Variants in SS18L2 observed in about 807,000 individuals in gnomAD.
SS18L2 encodes SS18 like 2.
A neutral mutation model predicts 10.3 loss-of-function variants in SS18L2; 8 were observed. The ratio of observed to expected loss-of-function variants is 0.78; its 90% CI spans 0.46 to 1.41. The LOEUF is 1.41. Among genes scored for constraint, SS18L2 ranks in the 40% most tolerant of loss-of-function variants. The pLI is 0.00. For synonymous variants in SS18L2, 41 were observed against 34.6 expected (o/e 1.19, Z -0.65); for missense variants, 100 against 96.2 (o/e 1.04, Z -0.17).
At chr3:42,594,335 C>T in intron 2 of SS18L2, 87 bp from the exon 3 acceptor site, 11 of 989,948 alleles carry the variant, frequency 1.1e-5, no homozygotes, top group Non-Finnish European at 1.8e-5. Context: ...TGAGCCATTC[C>T]ACTAGAGTGG....
At chr3:42,591,201 CTTTTT>C (rs71616053) in intron 1 of SS18L2, 40 of 488,868 alleles carry the variant, frequency 8.2e-5, no homozygotes, top group Middle Eastern at 1.1e-3. Flanking sequence ...CCTTTCTCTC[CTTTTT>C]TTTTTTTTTT....
intron 1 of SS18L2, among the ~76,000 whole-genome samples, chr3:42,585,129 C>A (rs902627507): frequency 1.3e-5 from 2 of 151,968 alleles, no homozygotes; most frequent in East Asian, 3.9e-4. Context: ...AACTCCATCT[C>A]AAAAAACAAA....
At chr3:42,590,754 A>T, upstream of SS18L2, 2 of 867,496 alleles carry the variant, frequency 2.3e-6, no homozygotes, top group Non-Finnish European at 3.9e-6. Flanking sequence ...AGCGCTGAGT[A>T]TAGCTCTTGC....
chr3:42,582,530 A>G (rs1209673757), intron 1 of SS18L2, among the ~76,000 whole-genome samples: 1 of 152,268 alleles, frequency 6.6e-6, no homozygotes, highest in East Asian at 1.9e-4. Context: ...GAGTCCGTCC[A>G]TTTATTCATT....
chr3:42,591,390 TC>T (rs1159440817), intron 1 of SS18L2, 134 bp from the exon 2 acceptor site: 43 of 661,044 alleles, frequency 6.5e-5, no homozygotes, highest in Non-Finnish European at 5.4e-6. Context: ...GTATGGGGTT[TC>T]CCCATGTTGG....
At chr3:42,594,275 A>C in intron 2 of SS18L2, 147 bp from the exon 3 acceptor site, 1 of 632,724 alleles carries the variant, frequency 1.6e-6, no homozygotes, top group South Asian at 2.1e-5. Context: ...TATTTTCCTT[A>C]AATATGTTAA....
chr3:42,592,950 G>C (rs1455594160), intron 2 of SS18L2, among the ~76,000 whole-genome samples: 1 of 152,154 alleles, frequency 6.6e-6, no homozygotes, highest in Non-Finnish European at 1.5e-5. Flanking sequence ...TATAAGTACA[G>C]TTGGTCCTCT....
intron 1 of SS18L2, 30 bp from the exon 2 acceptor site, chr3:42,591,495 C>T: frequency 6.4e-7 from 1 of 1,572,222 alleles, no homozygotes. Flanking sequence ...GCCCGGCCTG[C>T]ACTGACCCTT....
upstream of SS18L2, among the ~76,000 whole-genome samples, chr3:42,589,896 T>C (rs1008448687): frequency 6.6e-6 from 1 of 152,116 alleles, no homozygotes; most frequent in Non-Finnish European, 1.5e-5. Context: ...CAAGAAGGTA[T>C]GTCCAGCTTC....
Position 42,595,870 on chromosome 3 carries a change from G to A in SS18L2, c.*1361G>A, listed in dbSNP as rs781093719. Among the ~76,000 whole-genome samples, 1 of 152,190 alleles carries A rather than the reference G, an allele frequency of 6.6e-6. No individual in the cohort carries two copies. Among genetic ancestry groups the A allele is most frequent in the Non-Finnish European group, 1.5e-5 (1 of 68,024 alleles). On this transcript the variant is annotated 3_prime_UTR_variant, in exon 3 of 3. Transcript: ENST00000011691. ...AGCTCTGTTTCCTCACCTCTAAAGT[G>A]AGGATAATGAAAATAGCATCTGCCT...
chr3:42,594,048 C>G (rs1704952760), intron 2 of SS18L2, among the ~76,000 whole-genome samples: 1 of 145,826 alleles, frequency 6.9e-6, no homozygotes, highest in Admixed American at 6.7e-5. Flanking sequence ...AACAGCTCAC[C>G]TTTACCTGAA....
upstream of SS18L2, among the ~76,000 whole-genome samples, chr3:42,590,638 G>A (rs1457831395): frequency 1.3e-5 from 2 of 151,910 alleles, no homozygotes; most frequent in Non-Finnish European, 2.9e-5. Context: ...ACGCCAGGTA[G>A]GTCAGCAGTA....
In SS18L2 at chr3:42,595,374, G is replaced by A. The variant is rs538512603; in HGVS notation, c.*865G>A. On this transcript the variant is annotated 3_prime_UTR_variant, in exon 3 of 3. Transcript: ENST00000011691. ...CATACAGTTGTATCTCTGTAGTGTT[G>A]TTAATTATGTGCCACTATCATCCAC... Among the ~76,000 whole-genome samples the A allele has an allele frequency of 6.6e-6, 1 of 152,128 alleles. No homozygotes were observed. The highest frequency in any genetic ancestry group is 1.5e-5 in the Non-Finnish European group (1 of 68,024).
chr3:42,582,444 G>C (rs1704447364), intron 1 of SS18L2: 1 of 152,382 alleles, frequency 6.6e-6, no homozygotes, highest in African/African-American at 2.4e-5. Context: ...GTCCGACCCA[G>C]GGGGACACAC....
chr3:42,582,603 C>G (rs1413380310), intron 1 of SS18L2, among the ~76,000 whole-genome samples: 1 of 152,216 alleles, frequency 6.6e-6, no homozygotes, highest in Non-Finnish European at 1.5e-5. Flanking sequence ...ATTCCTGACA[C>G]GAAAAACTAT....
chr3:42,585,286 G>A (rs1323910508), intron 1 of SS18L2, among the ~76,000 whole-genome samples: 1 of 152,178 alleles, frequency 6.6e-6, no homozygotes, highest in Non-Finnish European at 1.5e-5. Flanking sequence ...ACAGGGGTGA[G>A]ATGTAGTACC....
Position 42,590,892 on chromosome 3 carries a change from C to T in SS18L2, c.-6C>T, listed in dbSNP as rs750451000. On this transcript the variant is annotated 5_prime_UTR_variant, in exon 1 of 3. Transcript: ENST00000011691. The stretch of plus-strand genomic sequence containing the variant: ...TTGGCGGTCGTGGTTCCGGAGGTTC[C>T]TCGGGATGTCGGTGGCCTTCGTACC... 5.9e-6 allele frequency: 9 copies of T among 1,538,326 alleles called. No individual in the cohort carries two copies. Among genetic ancestry groups the T allele is most frequent in the Non-Finnish European group, 7.1e-6 (8 of 1,132,742 alleles).
Position 42,590,905 on chromosome 3 carries a change from T to C in SS18L2, c.8T>C (p.Val3Ala). MS[V>A]AFVPDWLRGK... ...TTCCGGAGGTTCCTCGGGATGTCGG[T>C]GGCCTTCGTACCGGACTGGCTGAGG... The change falls in exon 1 of 3, where the codon GTG (valine) becomes GCG (alanine). Residue 3 changes from valine to alanine, a missense_variant. Physicochemically the swap from Val to Ala is moderately conservative, Grantham distance 64. Coordinates refer to ENST00000011691, the MANE Select transcript of SS18L2 (RefSeq NM_001370300.1). 1 of 1,454,860 alleles carries C rather than the reference T, an allele frequency of 6.9e-7. No homozygotes were observed. The highest frequency in any genetic ancestry group is 1.1e-5 in the South Asian group (1 of 89,164). 90.1% of individuals were successfully genotyped at this position (1,454,860 alleles called of 1,614,324 possible).
chr3:42,585,277 CA>C (rs774005383), intron 1 of SS18L2, among the ~76,000 whole-genome samples: 7 of 152,192 alleles, frequency 4.6e-5, no homozygotes, highest in Admixed American at 4.6e-4. Context: ...GATTGGACAA[CA>C]GGGGTGAGAT....
Sources: gnomAD v4.1 joint callset for allele counts (sites outside exome capture counted in the v4.1 genomes callset) on GRCh38, gnomAD v4.1.1 for gene constraint, MANE v1.5 for transcripts, NCBI Gene and HGNC (gene_info 2026-07-23, HGNC 2026-07-21) for gene names.